Variants in WDR43 observed in about 807,000 individuals in gnomAD.
The protein encoded by WDR43 is WD repeat domain 43.
A neutral mutation model predicts 91.4 loss-of-function variants in WDR43; 13 were observed. The ratio of observed to expected loss-of-function variants is 0.14; its 90% confidence interval spans 0.09 to 0.23. The LOEUF (loss-of-function observed/expected upper bound fraction) is 0.23. Among genes scored for constraint, WDR43 ranks in the 10% least tolerant of loss-of-function variants. WDR43 has a pLI of 1.00. For missense variants in WDR43, 780 were observed against 809.4 expected, an observed-to-expected ratio of 0.96 and a Z score of 0.44; for synonymous variants, 331 against 287.9, an observed-to-expected ratio of 1.15 and a Z score of -1.51.
chr2:28,922,816 T>G, intron 6 of WDR43, 103 bp from the exon 7 acceptor site: 1 of 447,230 alleles, frequency 2.2e-6, no homozygotes, highest in Non-Finnish European at 3.8e-6. Flanking sequence ...TTTTTTTTTC[T>G]GGTTGTGTAA....
intron 8 of WDR43, 36 bp from the exon 9 acceptor site, chr2:28,926,430 TCC>T (rs1572595912): frequency 4.9e-6 from 7 of 1,428,734 alleles, no homozygotes; most frequent in East Asian, 2.5e-5. Flanking sequence ...TTTTTTTCTT[TCC>T]TCTCATCTTC....
At chr2:28,908,037 A>T (rs1302376154) in intron 3 of WDR43, among the ~76,000 whole-genome samples, 1 of 152,230 alleles carries the variant, frequency 6.6e-6, no homozygotes, top group East Asian at 1.9e-4. Flanking sequence ...AGGCAGATAG[A>T]TTGTTACTGT....
At chr2:28,925,322 A>G (rs1458324230) in intron 8 of WDR43, among the ~76,000 whole-genome samples, 169 bp downstream of exon 8, 4 of 152,212 alleles carry the variant, frequency 2.6e-5, no homozygotes, top group African/African-American at 9.6e-5. Context: ...TCTATATCCA[A>G]CATAATTTAA....
intron 3 of WDR43, among the ~76,000 whole-genome samples, chr2:28,912,161 T>G (rs1670814722): frequency 1.3e-5 from 2 of 152,170 alleles, no homozygotes; most frequent in Non-Finnish European, 1.5e-5. Flanking sequence ...TTAAGGGAAT[T>G]AATTAAAGGC....
intron 7 of WDR43, 105 bp from the exon 8 acceptor site, chr2:28,924,877 A>G (rs1671098243): frequency 1.5e-6 from 2 of 1,366,116 alleles, no homozygotes; most frequent in Non-Finnish European, 2.0e-6. Flanking sequence ...ATGGCAGTAT[A>G]GAGGCTAGAG....
At chr2:28,932,579 T>C (rs906891170) in intron 11 of WDR43, among the ~76,000 whole-genome samples, 1 of 152,240 alleles carries the variant, frequency 6.6e-6, no homozygotes, top group African/African-American at 2.4e-5. Flanking sequence ...ACATTTTTCT[T>C]TCTAAAAACG....
chr2:28,906,824 C>T (rs563172867), intron 3 of WDR43, among the ~76,000 whole-genome samples: 4 of 152,164 alleles, frequency 2.6e-5, no homozygotes, highest in East Asian at 3.9e-4. Flanking sequence ...ATTTGTCAGC[C>T]GAGTACAGTA....
At chr2:28,901,499 A>G (rs1343681917) in intron 1 of WDR43, among the ~76,000 whole-genome samples, 1 of 152,214 alleles carries the variant, frequency 6.6e-6, no homozygotes, top group Non-Finnish European at 1.5e-5. Context: ...TTATAAAGGT[A>G]AAAACTTTTG....
At chr2:28,938,483 G>GA (rs35534534) in intron 14 of WDR43, among the ~76,000 whole-genome samples, 7 of 150,154 alleles carry the variant, frequency 4.7e-5, no homozygotes, top group Admixed American at 6.6e-5. Flanking sequence ...AGCAACACCA[G>GA]AAAAAAAAAA....
intron 2 of WDR43, among the ~76,000 whole-genome samples, chr2:28,904,510 A>G (rs961178455): frequency 1.3e-5 from 2 of 152,236 alleles, no homozygotes. Context: ...TGGCAATAGT[A>G]TTATGTAACC....
At position 28,912,368 on chromosome 2, in the gene WDR43, A is replaced by G. The variant is rs373175874; in HGVS notation, c.486-222A>G. 2.6e-5 allele frequency among the ~76,000 whole-genome samples: 4 copies of G among 152,306 alleles called. No homozygotes were observed. The East Asian group carries it at 5.8e-4, about 22-fold the overall frequency. On this transcript the variant is annotated intron_variant, in intron 3 of 17. Transcript: ENST00000407426. ...TGAGAATCTTTATCCCATGCCTGCCAAAGGGAGATTGTGCTGTGTTAAGGA... is the reference window on the plus strand; with the variant it reads ...TGAGAATCTTTATCCCATGCCTGCCGAAGGGAGATTGTGCTGTGTTAAGGA...
intron 11 of WDR43, among the ~76,000 whole-genome samples, chr2:28,932,048 A>T (rs1397656592): frequency 6.6e-6 from 1 of 152,076 alleles, no homozygotes; most frequent in East Asian, 1.9e-4. Flanking sequence ...GCTAATTTTT[A>T]AAATTTTTTT....
chr2:28,919,596 C>T (rs1218509652), intron 6 of WDR43, among the ~76,000 whole-genome samples: 1 of 150,410 alleles, frequency 6.6e-6, no homozygotes, highest in Non-Finnish European at 1.5e-5. Context: ...GTGGAGCTTG[C>T]AGTGAGCCGA....
At chr2:28,925,254 A>G (rs959900826) in intron 8 of WDR43, 101 bp downstream of exon 8, 2 of 1,159,624 alleles carry the variant, frequency 1.7e-6, no homozygotes, top group African/African-American at 3.2e-5. Flanking sequence ...GATAAATAAT[A>G]TATTCTTTTT....
At chr2:28,928,352 T>G (rs1671181698) in intron 10 of WDR43, among the ~76,000 whole-genome samples, 2 of 152,216 alleles carry the variant, frequency 1.3e-5, no homozygotes, top group Admixed American at 6.5e-5. Context: ...TAGCTGATTT[T>G]AAATGCGTTT....
intron 14 of WDR43, 94 bp downstream of exon 14, chr2:28,938,088 TTCCCCATCTA>T: frequency 7.4e-7 from 1 of 1,343,112 alleles, no homozygotes; most frequent in Non-Finnish European, 1.0e-6. Flanking sequence ...AAACCATCCT[TTCCCCATCTA>T]TCCTTCAGCC....
chr2:28,925,357 T>C (rs1160681946), intron 8 of WDR43, among the ~76,000 whole-genome samples: 1 of 152,208 alleles, frequency 6.6e-6, no homozygotes, highest in African/African-American at 2.4e-5. Flanking sequence ...AAAGCATTGT[T>C]TGAGTTATTT....
At chr2:28,916,700 A>G (rs1352763794) in intron 5 of WDR43, among the ~76,000 whole-genome samples, 2 of 152,296 alleles carry the variant, frequency 1.3e-5, no homozygotes, top group Non-Finnish European at 2.9e-5. Context: ...AGTCCTATAA[A>G]GTCCCCATGA....
chr2:28,915,021 GA>G (rs199636277), intron 5 of WDR43, among the ~76,000 whole-genome samples: 1 of 149,942 alleles, frequency 6.7e-6, no homozygotes, highest in Non-Finnish European at 1.5e-5. Flanking sequence ...AAGTTGGCTT[GA>G]AAAAAAAACC....
Sources: allele counts gnomAD v4.1 joint callset (sites outside exome capture counted in the v4.1 genomes callset), GRCh38; gene constraint gnomAD v4.1.1; transcripts MANE v1.5; gene names NCBI Gene and HGNC (gene_info 2026-07-23, HGNC 2026-07-21).